CSMD1: variants seen among roughly 807,000 people sequenced by gnomAD.
CSMD1 encodes the protein CUB and sushi domain-containing protein 1.
A neutral mutation model predicts 417.5 loss-of-function variants in CSMD1; 213 were observed. The ratio of observed to expected loss-of-function variants is 0.51; its 90% CI spans 0.46 to 0.57. The LOEUF (loss-of-function observed/expected upper bound fraction) is 0.57, where lower values mean the gene tolerates loss of function less well. Among genes scored for constraint, CSMD1 ranks in the 20% least tolerant of loss-of-function variants. The pLI, the probability that CSMD1 is intolerant of heterozygous loss-of-function variation, is 0.00. For missense variants in CSMD1, 6,923 were observed against 4,529.7 expected (o/e 1.53, Z -15.17); for synonymous variants, 2,862 against 1,736.8 (o/e 1.65, Z -16.11).
At chr8:4,450,016 C>A (rs1308889793) in intron 2 of CSMD1, among the ~76,000 whole-genome samples, 1 of 152,164 alleles carries the variant, frequency 6.6e-6, no homozygotes, top group African/African-American at 2.4e-5. Context: ...CCTGCTATGG[C>A]CTGGGTGTCC....
At chr8:3,493,315 G>T (rs867791809) in intron 11 of CSMD1, among the ~76,000 whole-genome samples, 7 of 148,126 alleles carry the variant, frequency 4.7e-5, no homozygotes, top group Non-Finnish European at 7.4e-5. Flanking sequence ...AAAAAAAAGG[G>T]GGGGCGGAGG....
At chr8:4,793,208 C>G (rs528253792) in intron 1 of CSMD1, among the ~76,000 whole-genome samples, 1 of 152,130 alleles carries the variant, frequency 6.6e-6, no homozygotes, top group South Asian at 2.1e-4. Context: ...AAATTAATTG[C>G]AGCACAAGAC....
chr8:4,353,537 C>G lies in CSMD1; in HGVS notation c.415+66416G>C, dbSNP rs192814176. 3.3e-5 allele frequency among the ~76,000 whole-genome samples: 5 copies of G among 152,022 alleles called. No individual in the cohort carries two copies. In the East Asian group the frequency reaches 5.8e-4, roughly 18 times the overall value. On this transcript the variant is annotated intron_variant, in intron 3 of 69. Coordinates refer to ENST00000635120, the MANE Select transcript of CSMD1 (RefSeq NM_033225.6). ...ATATGATCTCAATATAAAAATCAGACCTTTCCTAGGAAATATACTAGATCA... is the reference window on the plus strand; with the variant it reads ...ATATGATCTCAATATAAAAATCAGAGCTTTCCTAGGAAATATACTAGATCA...
At chr8:4,740,186 C>T (rs112261669) in intron 1 of CSMD1, among the ~76,000 whole-genome samples, 3,525 of 152,206 alleles carry the variant, frequency 0.023, 60 homozygotes, top group African/African-American at 0.047. Flanking sequence ...GAGACGAACA[C>T]ATTATCTTAT....
At chr8:4,825,791 A>C (rs1446715002) in intron 1 of CSMD1, among the ~76,000 whole-genome samples, 1 of 149,892 alleles carries the variant, frequency 6.7e-6, no homozygotes, top group African/African-American at 2.5e-5. Context: ...AATGCAAAAA[A>C]AAAAGAAAAA....
chr8:4,806,596 T>A (rs1207965118), intron 1 of CSMD1, among the ~76,000 whole-genome samples: 2 of 152,218 alleles, frequency 1.3e-5, no homozygotes, highest in African/African-American at 4.8e-5. Flanking sequence ...TTCAAAAAGG[T>A]AATTAACTTT....
intron 8 of CSMD1, among the ~76,000 whole-genome samples, chr8:3,598,907 C>A (rs1288127067): frequency 6.6e-6 from 1 of 151,934 alleles, no homozygotes. Flanking sequence ...ATAATGAAAC[C>A]CCATCTCTAT....
rs567890872 is a variant in CSMD1, at chr8:4,475,219, G to A, written c.303-55154C>T. ...AATATATATCTTAAAAGTTGTGGATGGCATTCAATACTGTTTATCTATTTC... is the reference window on the plus strand; with the variant it reads ...AATATATATCTTAAAAGTTGTGGATAGCATTCAATACTGTTTATCTATTTC... On this transcript the variant is annotated intron_variant, in intron 2 of 69. Transcript: ENST00000635120. Among the ~76,000 whole-genome samples the A allele has an allele frequency of 3.3e-5, 5 of 152,222 alleles. No individual in the cohort carries two copies. In the South Asian group the frequency reaches 1.0e-3, roughly 32 times the overall value.
chr8:4,042,815 TAAAAAAAAAAAAAAA>T (rs60411612), intron 3 of CSMD1, among the ~76,000 whole-genome samples: 1 of 41,312 alleles, frequency 2.4e-5, no homozygotes, highest in Non-Finnish European at 4.3e-5. Context: ...TACAACATAT[TAAAAAAAAAAAAAAA>T]AAAAAAAAAA....
At chr8:2,967,123 G>T (rs1184172243) in intron 57 of CSMD1, among the ~76,000 whole-genome samples, 1 of 152,104 alleles carries the variant, frequency 6.6e-6, no homozygotes, top group Non-Finnish European at 1.5e-5. Flanking sequence ...TTTTAAAAAA[G>T]AATATCTATG....
chr8:3,733,472 C>T (rs1796372495), intron 6 of CSMD1, among the ~76,000 whole-genome samples: 1 of 151,540 alleles, frequency 6.6e-6, no homozygotes, highest in South Asian at 2.1e-4. Context: ...CAATGTTTTG[C>T]TTTCAACGGT....
At chr8:4,228,322 TTC>T (rs1041898214) in intron 3 of CSMD1, among the ~76,000 whole-genome samples, 1 of 152,320 alleles carries the variant, frequency 6.6e-6, no homozygotes, top group East Asian at 1.9e-4. Context: ...AGGTGTTTTA[TTC>T]TCTGTCTCTA....
chr8:4,724,094 C>A (rs1809253799), intron 1 of CSMD1, among the ~76,000 whole-genome samples: 2 of 152,036 alleles, frequency 1.3e-5, no homozygotes, highest in Admixed American at 1.3e-4. Flanking sequence ...CTTAAGTGAG[C>A]CATTGCAATT....
chr8:3,936,235 C>T (rs1810481788), intron 5 of CSMD1, among the ~76,000 whole-genome samples: 1 of 150,516 alleles, frequency 6.6e-6, no homozygotes, highest in South Asian at 2.1e-4. Context: ...GGTAAAGCAG[C>T]AAGTGATGAT....
intron 3 of CSMD1, among the ~76,000 whole-genome samples, chr8:4,340,793 G>A (rs1035103387): frequency 6.6e-6 from 1 of 152,028 alleles, no homozygotes; most frequent in African/African-American, 2.4e-5. Context: ...GTTGCTTCTA[G>A]AGAGTTAACT....
chr8:4,312,564 A>G lies in CSMD1; in HGVS notation c.415+107389T>C, dbSNP rs183765211. ...AATTGAAAGGGCTCACAGTCGTTCT[A>G]TTTATGAGCAACAGATGTATTAAAG... On this transcript the variant is annotated intron_variant, in intron 3 of 69. Coordinates refer to ENST00000635120, the MANE Select transcript of CSMD1 (RefSeq NM_033225.6). Among the ~76,000 whole-genome samples, 63 of 151,480 alleles carry G rather than the reference A, an allele frequency of 4.2e-4. 1 individual carries two copies. The highest frequency in any genetic ancestry group is 1.5e-3 in the African/African-American group (60 of 41,036).
chr8:3,895,979 C>T (rs929779845), intron 5 of CSMD1, among the ~76,000 whole-genome samples: 4 of 152,274 alleles, frequency 2.6e-5, no homozygotes, highest in Admixed American at 1.3e-4. Context: ...GTTAACCTCC[C>T]CTATTACTGT....
At chr8:3,502,329 C>G (rs1429281864) in intron 10 of CSMD1, among the ~76,000 whole-genome samples, 1 of 138,664 alleles carries the variant, frequency 7.2e-6, no homozygotes, top group Non-Finnish European at 1.5e-5. Flanking sequence ...CGCGCCACTG[C>G]ACTGCAGCCT....
At chr8:3,124,107 T>A (rs955891102) in intron 41 of CSMD1, among the ~76,000 whole-genome samples, 1 of 152,190 alleles carries the variant, frequency 6.6e-6, no homozygotes, top group Non-Finnish European at 1.5e-5. Context: ...TTTTTTCTTT[T>A]CTCAATGGCA....
Sources: gnomAD v4.1 joint callset for allele counts (sites outside exome capture counted in the v4.1 genomes callset) on GRCh38, gnomAD v4.1.1 for gene constraint, MANE v1.5 for transcripts, NCBI Gene and HGNC (gene_info 2026-07-23, HGNC 2026-07-21) for gene names.